Variants in RBFOX1 observed in about 807,000 individuals in gnomAD.
The protein encoded by RBFOX1 is RNA binding fox-1 homolog 1.
In RBFOX1, 8 loss-of-function variants were observed where a neutral mutation model predicts 57.7. The ratio of observed to expected loss-of-function variants is 0.14; its 90% confidence interval spans 0.08 to 0.25. RBFOX1 has a LOEUF of 0.25. RBFOX1 is among the 10% of genes least tolerant of loss of function. The probability of loss-of-function intolerance (pLI) is 1.00; values close to 1 mark genes in which losing one functional copy is unlikely to be tolerated. For missense variants in RBFOX1, 611 were observed against 548.5 expected, an observed-to-expected ratio of 1.11 and a Z score of -1.14; for synonymous variants, 326 against 222.4, an observed-to-expected ratio of 1.47 and a Z score of -4.15.
At chr16:6,512,540 T>G (rs2096276604) in intron 2 of RBFOX1, among the ~76,000 whole-genome samples, 1 of 152,082 alleles carries the variant, frequency 6.6e-6, no homozygotes, top group African/African-American at 2.4e-5. Flanking sequence ...AGACTGGGTG[T>G]TGCTAGACAT....
At chr16:5,365,030 A>C (rs2065671404) in intron 1 of RBFOX1, among the ~76,000 whole-genome samples, 1 of 152,126 alleles carries the variant, frequency 6.6e-6, no homozygotes, top group Non-Finnish European at 1.5e-5. Context: ...TTTGAATGCG[A>C]AAGACTTATT....
chr16:6,224,228 T>C (rs896141124), intron 1 of RBFOX1, among the ~76,000 whole-genome samples: 2 of 151,756 alleles, frequency 1.3e-5, no homozygotes, highest in Admixed American at 1.3e-4. Flanking sequence ...GTTATTTTTT[T>C]CCAATTCTGT....
chr16:6,519,669 G>C (rs8045626), intron 2 of RBFOX1, among the ~76,000 whole-genome samples: 123,338 of 152,106 alleles, frequency 0.81, 50,255 homozygotes, highest in East Asian at 0.89. Context: ...CTACTGCACT[G>C]CAGTCTGGGT....
chr16:5,456,749 G>T (rs952905145), intron 1 of RBFOX1, among the ~76,000 whole-genome samples: 3 of 152,004 alleles, frequency 2.0e-5, no homozygotes, highest in Non-Finnish European at 4.4e-5. Context: ...AACTAGGATG[G>T]CCCCTGTGAA....
chr16:7,670,281 C>G (rs1242161295), intron 13 of RBFOX1, among the ~76,000 whole-genome samples: 2 of 152,188 alleles, frequency 1.3e-5, no homozygotes, highest in Admixed American at 1.3e-4. Flanking sequence ...ATCCAGCTGC[C>G]TTGGCCTCCC....
chr16:5,598,835 A>C, intron 2 of RBFOX1: 1 of 1,255,810 alleles, frequency 8.0e-7, no homozygotes, highest in Non-Finnish European at 1.1e-6. Context: ...GGGTTACTCA[A>C]GGTTAGAATT....
intron 4 of RBFOX1, among the ~76,000 whole-genome samples, chr16:5,979,602 G>A (rs887835577): frequency 6.6e-6 from 1 of 152,128 alleles, no homozygotes; most frequent in Non-Finnish European, 1.5e-5. Flanking sequence ...GGTGGCTCAC[G>A]CCTCTAATCT....
At chr16:7,147,809 A>C (rs76800760) in intron 4 of RBFOX1, among the ~76,000 whole-genome samples, 5,252 of 152,192 alleles carry the variant, frequency 0.035, 121 homozygotes, top group Middle Eastern at 0.082. Context: ...TGGTAGAACG[A>C]TTTATTTTTC....
At chr16:6,827,246 GTTC>G (rs748759003) in intron 3 of RBFOX1, among the ~76,000 whole-genome samples, 70 of 151,254 alleles carry the variant, frequency 4.6e-4, no homozygotes, top group Non-Finnish European at 9.1e-4. Flanking sequence ...TTCTCCTAAA[GTTC>G]TTCTCTTCAA....
intron 3 of RBFOX1, among the ~76,000 whole-genome samples, chr16:6,962,961 G>T (rs1280930507): frequency 6.6e-6 from 1 of 152,144 alleles, no homozygotes; most frequent in Non-Finnish European, 1.5e-5. Flanking sequence ...TGATCGCTCA[G>T]CAGTTTGCAT....
intron 2 of RBFOX1, among the ~76,000 whole-genome samples, chr16:6,588,078 A>G (rs185595336): frequency 1.3e-5 from 2 of 151,738 alleles, no homozygotes; most frequent in South Asian, 4.2e-4. Flanking sequence ...TAAAAATACA[A>G]AAATTAGCTG....
rs77265425 is a variant in RBFOX1 at position 7,696,319 on chromosome 16, C to G, written c.996-12737C>G. 6.1e-3 allele frequency among the ~76,000 whole-genome samples: 934 copies of G among 152,274 alleles called. 3 individuals carry two copies. The highest frequency in any genetic ancestry group is 8.1e-3 in the Non-Finnish European group (553 of 68,028). The stretch of plus-strand genomic sequence containing the variant: ...CTCCTAATGCATCCAGCTTGGACAA[C>G]TGAGTAGGTCCTCATTCAGTAACAT... On this transcript the variant is annotated intron_variant, in intron 14 of 15. Coordinates refer to ENST00000550418, the MANE Select transcript of RBFOX1 (RefSeq NM_018723.4).
At chr16:7,497,975 C>T (rs995731286) in intron 4 of RBFOX1, among the ~76,000 whole-genome samples, 1 of 152,164 alleles carries the variant, frequency 6.6e-6, no homozygotes, top group African/African-American at 2.4e-5. Flanking sequence ...TAAAAACAAG[C>T]TTTTAAAAGC....
At chr16:7,038,296 A>G (rs2045137634) in intron 3 of RBFOX1, among the ~76,000 whole-genome samples, 2 of 152,084 alleles carry the variant, frequency 1.3e-5, no homozygotes, top group Admixed American at 1.3e-4. Flanking sequence ...AGGGTTTGGG[A>G]TGGGATGGGG....
At chr16:7,107,369 C>A (rs534534150) in intron 4 of RBFOX1, among the ~76,000 whole-genome samples, 1 of 152,232 alleles carries the variant, frequency 6.6e-6, no homozygotes, top group Non-Finnish European at 1.5e-5. Flanking sequence ...TTAGCTCAAA[C>A]TGGAAGGGGG....
chr16:6,953,742 C>T (rs2081232028), intron 3 of RBFOX1, among the ~76,000 whole-genome samples: 1 of 152,164 alleles, frequency 6.6e-6, no homozygotes, highest in South Asian at 2.1e-4. Context: ...ATTTTATATA[C>T]ATAATGGGTG....
intron 4 of RBFOX1, among the ~76,000 whole-genome samples, chr16:7,126,871 T>C (rs577134081): frequency 5.4e-4 from 82 of 152,020 alleles, no homozygotes; most frequent in African/African-American, 1.8e-3. Context: ...GAGCTGGATG[T>C]GGTGGCAGGC....
intron 3 of RBFOX1, among the ~76,000 whole-genome samples, chr16:6,973,260 T>G (rs2085996641): frequency 6.6e-6 from 1 of 152,182 alleles, no homozygotes; most frequent in Non-Finnish European, 1.5e-5. Context: ...TGATTAACAG[T>G]AAGTACTTGG....
chr16:6,431,473 C>T (rs979918266), intron 2 of RBFOX1, among the ~76,000 whole-genome samples: 4 of 152,014 alleles, frequency 2.6e-5, no homozygotes, highest in African/African-American at 9.7e-5. Flanking sequence ...TGGTACTTCT[C>T]AACAGGCAGA....
Sources: gnomAD v4.1 joint callset for allele counts (sites outside exome capture counted in the v4.1 genomes callset) on GRCh38, gnomAD v4.1.1 for gene constraint, MANE v1.5 for transcripts, NCBI Gene and HGNC (gene_info 2026-07-23, HGNC 2026-07-21) for gene names.